The following ALDH1L1 variants were observed in gnomAD, a reference collection of about 807,000 sequenced individuals.
The protein encoded by ALDH1L1 is cytosolic 10-formyltetrahydrofolate dehydrogenase.
A neutral mutation model predicts 101.1 loss-of-function variants in ALDH1L1; 68 were observed. The observed-to-expected ratio is 0.67, with a 90% CI of 0.55 to 0.82. ALDH1L1 has a LOEUF of 0.82. ALDH1L1 is among the 40% of genes least tolerant of loss of function. ALDH1L1 has a pLI of 0.00. For missense variants in ALDH1L1, 1,087 were observed against 1,172.7 expected, an observed-to-expected ratio of 0.93 and a Z score of 1.07; for synonymous variants, 486 against 470.8, an observed-to-expected ratio of 1.03 and a Z score of -0.42.
At chr3:126,178,380 C>CA (rs56979863) in intron 1 of ALDH1L1, among the ~76,000 whole-genome samples, 1,310 of 72,940 alleles carry the variant, frequency 0.018, 7 homozygotes, top group Non-Finnish European at 0.023. Flanking sequence ...GACCCTGTCT[C>CA]AAAAAAAAAA....
intron 16 of ALDH1L1, 68 bp downstream of exon 16, chr3:126,124,296 G>T: frequency 7.1e-7 from 1 of 1,407,962 alleles, no homozygotes; most frequent in African/African-American, 1.5e-5. Context: ...ATCCAGTAGG[G>T]CCTGCTCTGC....
Position 126,167,038 on chromosome 3 carries a change from C to G in ALDH1L1, c.-23-6036G>C, listed in dbSNP as rs1006471058. Among the ~76,000 whole-genome samples, 5 of 152,238 alleles carry G rather than the reference C, an allele frequency of 3.3e-5. No individual in the cohort carries two copies. The South Asian group carries it at 6.2e-4, about 19-fold the overall frequency. On this transcript the variant is annotated intron_variant, in intron 1 of 22. Coordinates refer to ENST00000393434, the MANE Select transcript of ALDH1L1 (RefSeq NM_012190.4). The stretch of plus-strand genomic sequence containing the variant: ...TTATACTTAAAATACTGCACATTTT[C>G]TGTATATGAGTCATTCAGATTAGTA...
At chr3:126,122,500 G>T (rs2080098764) in intron 16 of ALDH1L1, among the ~76,000 whole-genome samples, 1 of 152,202 alleles carries the variant, frequency 6.6e-6, no homozygotes, top group Non-Finnish European at 1.5e-5. Context: ...CAGCTGAAGA[G>T]GACCAGAACT....
At chr3:126,121,918 A>G (rs62263534) in intron 16 of ALDH1L1, among the ~76,000 whole-genome samples, 17,993 of 152,198 alleles carry the variant, frequency 0.12, 1,186 homozygotes, top group African/African-American at 0.18. Context: ...CTTGGTGACT[A>G]TGGCTAAGAT....
intron 14 of ALDH1L1, chr3:126,129,989 C>G (rs1258969893): frequency 5.4e-6 from 2 of 372,844 alleles, no homozygotes; most frequent in Non-Finnish European, 9.5e-6. Context: ...TTTGGGTTTA[C>G]TCTTGTTTCC....
At chr3:126,143,348 A>T (rs1447616566) in intron 9 of ALDH1L1, among the ~76,000 whole-genome samples, 1 of 152,150 alleles carries the variant, frequency 6.6e-6, no homozygotes, top group African/African-American at 2.4e-5. Context: ...TGCATACACC[A>T]TGGATATCCT....
upstream of ALDH1L1, among the ~76,000 whole-genome samples, chr3:126,182,294 G>A (rs2081483028): frequency 6.6e-6 from 1 of 152,058 alleles, no homozygotes; most frequent in Admixed American, 6.5e-5. Context: ...TTACAGGCAT[G>A]CGCCACCACA....
chr3:126,136,406 C>T (rs61161489), intron 11 of ALDH1L1, among the ~76,000 whole-genome samples: 9,082 of 152,150 alleles, frequency 0.06, 855 homozygotes, highest in African/African-American at 0.2. Flanking sequence ...AATGTCCTAA[C>T]GGTGGAGGGC....
At chr3:126,156,714 T>C (rs2080914770) in intron 4 of ALDH1L1, 1 of 152,234 alleles carries the variant, frequency 6.6e-6, no homozygotes, top group Admixed American at 6.5e-5. Context: ...GGTCACGGCC[T>C]TCCCAGCAGG....
chr3:126,196,118 TA>T (rs1001388541), intron 1 of ALDH1L1, among the ~76,000 whole-genome samples: 3 of 151,538 alleles, frequency 2.0e-5, no homozygotes, highest in South Asian at 2.1e-4. Context: ...TAATAAAAAA[TA>T]AAAAAAAGAA....
chr3:126,195,883 G>A (rs182160565), intron 1 of ALDH1L1, among the ~76,000 whole-genome samples: 7 of 152,106 alleles, frequency 4.6e-5, no homozygotes, highest in South Asian at 2.1e-4. Context: ...AACACCGCAC[G>A]TTCTCACTCA....
rs558175811 is a variant in ALDH1L1 at position 126,177,510 on chromosome 3, A to G, written c.-24+2966T>C. ...TACTATATGACATTCTGGAAAAGGC[A>G]AAACTACAAAGGCAGTAACCAGTGG... On this transcript the variant is annotated intron_variant, in intron 1 of 22. Transcript: ENST00000393434. Among the ~76,000 whole-genome samples, 14 of 152,348 alleles carry G rather than the reference A, an allele frequency of 9.2e-5. No homozygotes were observed. In the South Asian group the frequency reaches 2.7e-3, roughly 29 times the overall value.
intron 9 of ALDH1L1, among the ~76,000 whole-genome samples, chr3:126,146,318 C>G (rs1006251624): frequency 7.2e-5 from 11 of 152,254 alleles, no homozygotes; most frequent in African/African-American, 1.9e-4. Context: ...TGGAACCCAC[C>G]ACCACCACAG....
Position 126,135,625 on chromosome 3 carries a change from A to T in ALDH1L1, c.1382T>A (p.Val461Asp). 1 of 1,583,102 alleles carries T rather than the reference A, an allele frequency of 6.3e-7. No individual in the cohort carries two copies. The highest frequency in any genetic ancestry group is 8.6e-7 in the Non-Finnish European group (1 of 1,164,658). Residue 461 changes from valine to aspartate, a missense_variant, in exon 12 of 23, where the codon GTC becomes GAC. By Grantham distance (152) the Val-to-Asp change is radical. Transcript: ENST00000393434. The part of the protein sequence containing the change: ...CQVSLAQVTD[V>D]DKAVAAAKDA... ...CTTGGCTGCGGCCACTGCCTTGTCG[A>T]CGTCGGTGACTTGGGCCAGGGATAC...
chr3:126,196,810 C>T (rs2081584125), intron 1 of ALDH1L1, among the ~76,000 whole-genome samples: 1 of 152,194 alleles, frequency 6.6e-6, no homozygotes, highest in African/African-American at 2.4e-5. Flanking sequence ...CCAGAAAGTA[C>T]TCATTCTCTA....
At chr3:126,168,601 A>T (rs764167498) in intron 1 of ALDH1L1, among the ~76,000 whole-genome samples, 14 of 152,288 alleles carry the variant, frequency 9.2e-5, no homozygotes, top group Admixed American at 6.5e-4. Context: ...AGGGTTTTAA[A>T]TTTTAAACAT....
intron 14 of ALDH1L1, 117 bp from the exon 15 acceptor site, chr3:126,125,838 G>T: frequency 1.5e-6 from 1 of 672,782 alleles, no homozygotes; most frequent in African/African-American, 1.9e-5. Context: ...CAGGCTTCCT[G>T]ATAAGGCACC....
intron 1 of ALDH1L1, among the ~76,000 whole-genome samples, chr3:126,167,383 G>C (rs2081190968): frequency 6.6e-6 from 1 of 152,096 alleles, no homozygotes; most frequent in Non-Finnish European, 1.5e-5. Context: ...TAATTCTCAT[G>C]CTGAAGCTCT....
chr3:126,125,326 C>A (rs1211014348), intron 15 of ALDH1L1, among the ~76,000 whole-genome samples: 1 of 152,232 alleles, frequency 6.6e-6, no homozygotes, highest in Non-Finnish European at 1.5e-5. Context: ...CCCCATGAAT[C>A]CAGAGTGCAG....
Sources: gnomAD v4.1 joint callset for allele counts (sites outside exome capture counted in the v4.1 genomes callset) on GRCh38, gnomAD v4.1.1 for gene constraint, MANE v1.5 for transcripts, NCBI Gene and HGNC (gene_info 2026-07-23, HGNC 2026-07-21) for gene names.